Variants in GRID2 observed in about 807,000 individuals in gnomAD.
GRID2 encodes the protein glutamate ionotropic receptor delta type subunit 2.
In GRID2, 33 loss-of-function variants were observed where a neutral mutation model predicts 114.8. The ratio of observed to expected loss-of-function variants is 0.29; its 90% CI spans 0.22 to 0.38. GRID2 has a LOEUF of 0.38. GRID2 is among the 10% of genes least tolerant of loss of function. The pLI, the probability that GRID2 is intolerant of heterozygous loss-of-function variation, is 1.00. For synonymous variants in GRID2, 505 were observed against 449.9 expected (o/e 1.12, Z -1.55); for missense variants, 1,184 against 1,257.7 (o/e 0.94, Z 0.89).
chr4:92,754,206 A>G (rs1737597488), intron 2 of GRID2, among the ~76,000 whole-genome samples: 1 of 152,228 alleles, frequency 6.6e-6, no homozygotes, highest in African/African-American at 2.4e-5. Flanking sequence ...GACATTTCAT[A>G]GTCCTGTGAA....
intron 8 of GRID2, among the ~76,000 whole-genome samples, chr4:93,292,257 G>A (rs2149148504): frequency 6.6e-6 from 1 of 152,234 alleles, no homozygotes; most frequent in South Asian, 2.1e-4. Context: ...AAGGGGCTGG[G>A]GTACTGTCTT....
intron 4 of GRID2, among the ~76,000 whole-genome samples, chr4:93,201,403 T>G (rs947679497): frequency 8.5e-5 from 13 of 152,184 alleles, no homozygotes; most frequent in Non-Finnish European, 1.6e-4. Flanking sequence ...GGAGTAGCTC[T>G]TTAGTGTTTC....
At position 93,353,429 on chromosome 4, in the gene GRID2, C is replaced by G. The variant is rs116628816; in HGVS notation, c.1246-42178C>G. 7.7e-3 allele frequency among the ~76,000 whole-genome samples: 1,172 copies of G among 151,854 alleles called. 16 individuals are homozygous for G. The highest frequency in any genetic ancestry group is 0.027 in the African/African-American group (1,116 of 41,438). ...TACAGAAAGCTTAGAGAAAGAATGG[C>G]TAGGAGATCAGATAACAATAAAATG... On this transcript the variant is annotated intron_variant, in intron 8 of 15. Coordinates refer to ENST00000282020, the MANE Select transcript of GRID2 (RefSeq NM_001510.4).
chr4:92,349,903 A>G (rs916431883), intron 1 of GRID2, among the ~76,000 whole-genome samples: 2 of 151,954 alleles, frequency 1.3e-5, no homozygotes, highest in Non-Finnish European at 2.9e-5. Flanking sequence ...GAATTTTACC[A>G]GTAACCCTTA....
At position 93,235,510 on chromosome 4, in the gene GRID2, G is replaced by A. The variant is rs1042775730; in HGVS notation, c.1126-2861G>A. On this transcript the variant is annotated intron_variant, in intron 7 of 15. Coordinates refer to ENST00000282020, the MANE Select transcript of GRID2 (RefSeq NM_001510.4). ...AGGATAGATGGAAAAAAGCTTTAAA[G>A]CGCTGGAATTTTCTAAGGCAATCCA... is the stretch of plus-strand genomic sequence containing the variant. Among the ~76,000 whole-genome samples the A allele has an allele frequency of 1.4e-4, 21 of 152,068 alleles. 1 individual carries two copies. The highest frequency in any genetic ancestry group is 1.4e-3 in the Admixed American group (21 of 15,230).
At chr4:92,928,392 C>T (rs1749989305) in intron 2 of GRID2, among the ~76,000 whole-genome samples, 1 of 151,536 alleles carries the variant, frequency 6.6e-6, no homozygotes, top group Admixed American at 6.6e-5. Context: ...GTAGTCAACT[C>T]AGCAATAATC....
chr4:92,890,445 G>C (rs1400815517), intron 2 of GRID2, among the ~76,000 whole-genome samples: 12 of 152,002 alleles, frequency 7.9e-5, no homozygotes, highest in Non-Finnish European at 1.5e-5. Flanking sequence ...TTGAAAAGTG[G>C]GTGAAGGATA....
intron 1 of GRID2, among the ~76,000 whole-genome samples, chr4:92,534,864 C>T (rs1229008505): frequency 6.6e-6 from 1 of 152,084 alleles, no homozygotes; most frequent in African/African-American, 2.4e-5. Context: ...CCTACTTGAG[C>T]TTGGAAAGAC....
intron 2 of GRID2, among the ~76,000 whole-genome samples, chr4:93,057,164 G>C (rs1407430199): frequency 1.4e-5 from 2 of 147,678 alleles, no homozygotes; most frequent in Non-Finnish European, 3.0e-5. Context: ...ATGTGTGTCT[G>C]TGTGTGTGTG....
chr4:93,344,368 G>A (rs1156560813), intron 8 of GRID2, among the ~76,000 whole-genome samples: 1 of 151,812 alleles, frequency 6.6e-6, no homozygotes, highest in Non-Finnish European at 1.5e-5. Flanking sequence ...TAACATTTAT[G>A]TATTTATTTA....
chr4:92,484,707 G>A (rs1262422752), intron 1 of GRID2, among the ~76,000 whole-genome samples: 1 of 152,018 alleles, frequency 6.6e-6, no homozygotes, highest in Non-Finnish European at 1.5e-5. Flanking sequence ...TCTGGGTCTA[G>A]TTCAGTAGAT....
At chr4:92,967,279 C>T (rs1021358997) in intron 2 of GRID2, among the ~76,000 whole-genome samples, 1 of 151,836 alleles carries the variant, frequency 6.6e-6, no homozygotes, top group Non-Finnish European at 1.5e-5. Context: ...CAGAAATCAA[C>T]CTTTCAAATA....
At chr4:93,127,389 A>G (rs1026447508) in intron 4 of GRID2, among the ~76,000 whole-genome samples, 5 of 152,208 alleles carry the variant, frequency 3.3e-5, no homozygotes, top group Non-Finnish European at 7.4e-5. Flanking sequence ...AACAAAATAA[A>G]TGAAAAAGAA....
chr4:93,347,033 C>T (rs1198425368), intron 8 of GRID2, among the ~76,000 whole-genome samples: 1 of 152,054 alleles, frequency 6.6e-6, no homozygotes, highest in Non-Finnish European at 1.5e-5. Context: ...ATCTTTCGGT[C>T]TTTCCTTGCC....
At chr4:93,097,785 A>T (rs1731349849) in intron 3 of GRID2, among the ~76,000 whole-genome samples, 1 of 151,900 alleles carries the variant, frequency 6.6e-6, no homozygotes, top group Non-Finnish European at 1.5e-5. Context: ...GACATTGGAC[A>T]TTTCTAGTTG....
chr4:92,811,542 T>A (rs1021820132), intron 2 of GRID2, among the ~76,000 whole-genome samples: 22 of 152,126 alleles, frequency 1.4e-4, no homozygotes, highest in Non-Finnish European at 2.4e-4. Flanking sequence ...TTTACCTAAA[T>A]GATTCCAAAT....
intron 14 of GRID2, among the ~76,000 whole-genome samples, chr4:93,745,718 A>C (rs757088462): frequency 2.0e-5 from 3 of 152,182 alleles, no homozygotes; most frequent in Non-Finnish European, 4.4e-5. Flanking sequence ...AAGTTTAACT[A>C]TCCAATTAAA....
At chr4:93,131,186 G>A (rs1225937949) in intron 4 of GRID2, among the ~76,000 whole-genome samples, 12 of 116,750 alleles carry the variant, frequency 1.0e-4, no homozygotes, top group African/African-American at 2.5e-4. Context: ...ATGGAGTCTC[G>A]CTGTGTCACC....
chr4:92,768,184 T>G (rs941762475), intron 2 of GRID2, among the ~76,000 whole-genome samples: 1 of 152,244 alleles, frequency 6.6e-6, no homozygotes, highest in African/African-American at 2.4e-5. Context: ...AATGAGTTTT[T>G]GACTTTGATA....
Sources: gnomAD v4.1 joint callset for allele counts (sites outside exome capture counted in the v4.1 genomes callset) on GRCh38, gnomAD v4.1.1 for gene constraint, MANE v1.5 for transcripts, NCBI Gene and HGNC (gene_info 2026-07-23, HGNC 2026-07-21) for gene names.